The following GABRB1 variants were observed in gnomAD, a reference collection of about 807,000 sequenced individuals.
The protein encoded by GABRB1 is gamma-aminobutyric acid type A receptor subunit beta1, also known as gamma-aminobutyric acid receptor subunit beta-1.
GABRB1 carries 17 observed loss-of-function variants against 51.6 expected under a neutral mutation model. The observed-to-expected ratio is 0.33, with a 90% CI of 0.23 to 0.49. GABRB1 has a LOEUF of 0.49. Among genes scored for constraint, GABRB1 ranks in the 20% least tolerant of loss-of-function variants. The pLI, the probability that GABRB1 is intolerant of heterozygous loss-of-function variation, is 0.99. For synonymous variants in GABRB1, 247 were observed against 218.9 expected (o/e 1.13, Z -1.14); for missense variants, 410 against 600.6 (o/e 0.68, Z 3.32).
At chr4:47,048,621 T>A (rs1726205020) in intron 3 of GABRB1, among the ~76,000 whole-genome samples, 1 of 152,174 alleles carries the variant, frequency 6.6e-6, no homozygotes, top group South Asian at 2.1e-4. Flanking sequence ...ATGTAATGAA[T>A]GCATGCCATG....
intron 5 of GABRB1, among the ~76,000 whole-genome samples, chr4:47,397,186 A>C (rs1728204546): frequency 6.6e-6 from 1 of 152,188 alleles, no homozygotes; most frequent in African/African-American, 2.4e-5. Flanking sequence ...TATTTGTTAG[A>C]GTTAGAAAGG....
At chr4:47,255,909 G>C (rs769549008) in intron 4 of GABRB1, among the ~76,000 whole-genome samples, 1 of 152,218 alleles carries the variant, frequency 6.6e-6, no homozygotes, top group Admixed American at 6.5e-5. Flanking sequence ...ATAAGGAAAT[G>C]GCCAGAGATG....
chr4:47,188,292 T>C (rs1719272350), intron 4 of GABRB1, among the ~76,000 whole-genome samples: 1 of 152,048 alleles, frequency 6.6e-6, no homozygotes, highest in African/African-American at 2.4e-5. Context: ...TGTTTCAGAA[T>C]TAGTTCACAA....
intron 3 of GABRB1, among the ~76,000 whole-genome samples, chr4:47,124,576 C>T (rs1038851430): frequency 1.3e-5 from 2 of 152,118 alleles, no homozygotes; most frequent in African/African-American, 4.8e-5. Flanking sequence ...TTCAAGGATT[C>T]TCAGTGCACT....
At chr4:47,386,915 A>G (rs1727813154) in intron 5 of GABRB1, among the ~76,000 whole-genome samples, 1 of 152,230 alleles carries the variant, frequency 6.6e-6, no homozygotes. Context: ...CAAGAAAAAT[A>G]TGAGAAACAT....
intron 1 of GABRB1, among the ~76,000 whole-genome samples, chr4:47,018,959 C>T (rs1194507766): frequency 6.6e-6 from 1 of 152,128 alleles, no homozygotes; most frequent in African/African-American, 2.4e-5. Context: ...CTTATCTTTA[C>T]TGACAATTTG....
chr4:47,395,962 A>G (rs1184014386), intron 5 of GABRB1, among the ~76,000 whole-genome samples: 1 of 152,176 alleles, frequency 6.6e-6, no homozygotes, highest in Non-Finnish European at 1.5e-5. Context: ...TATATATAAG[A>G]AATTCCTTGT....
chr4:47,158,620 G>C (rs1272466860), intron 3 of GABRB1, among the ~76,000 whole-genome samples: 1 of 152,044 alleles, frequency 6.6e-6, no homozygotes, highest in Non-Finnish European at 1.5e-5. Flanking sequence ...TGACAATGCT[G>C]ACTGCCATAG....
chr4:47,300,674 T>A (rs965855208), intron 4 of GABRB1, among the ~76,000 whole-genome samples: 2 of 152,138 alleles, frequency 1.3e-5, no homozygotes, highest in Non-Finnish European at 2.9e-5. Context: ...TATATATTTA[T>A]GGGGTACATG....
upstream of GABRB1, among the ~76,000 whole-genome samples, chr4:47,026,823 A>C (rs1433902137): frequency 1.3e-5 from 2 of 152,076 alleles, no homozygotes; most frequent in African/African-American, 4.8e-5. Flanking sequence ...ATCTCAGTAG[A>C]GGTTAAAATA....
chr4:47,417,024 A>G (rs971281267), intron 8 of GABRB1, among the ~76,000 whole-genome samples: 4 of 152,250 alleles, frequency 2.6e-5, no homozygotes, highest in East Asian at 3.8e-4. Context: ...ACTAAAACAT[A>G]GAATGGGAGA....
chr4:47,117,006 C>T (rs552813842), intron 3 of GABRB1, among the ~76,000 whole-genome samples: 2 of 152,206 alleles, frequency 1.3e-5, no homozygotes, highest in African/African-American at 4.8e-5. Flanking sequence ...GGAAGTCCAC[C>T]CCCATGATCC....
intron 8 of GABRB1, among the ~76,000 whole-genome samples, chr4:47,422,073 T>C (rs573397812): frequency 6.6e-6 from 1 of 152,252 alleles, no homozygotes; most frequent in Admixed American, 6.5e-5. Context: ...AGAGACTGCA[T>C]CTGGCTCATT....
At chr4:47,276,831 G>A (rs1438187529) in intron 4 of GABRB1, among the ~76,000 whole-genome samples, 3 of 152,044 alleles carry the variant, frequency 2.0e-5, no homozygotes, top group African/African-American at 7.2e-5. Context: ...CTCGAAGCCA[G>A]TAGCGTACCA....
chr4:47,058,597 G>A (rs561426706), intron 3 of GABRB1, among the ~76,000 whole-genome samples: 25 of 152,114 alleles, frequency 1.6e-4, no homozygotes, highest in Non-Finnish European at 1.5e-4. Flanking sequence ...TGTTTAAACC[G>A]TGCCCCCTTG....
intron 4 of GABRB1, among the ~76,000 whole-genome samples, chr4:47,272,879 C>T (rs1346566180): frequency 6.6e-6 from 1 of 152,092 alleles, no homozygotes; most frequent in Non-Finnish European, 1.5e-5. Flanking sequence ...CTGAGTTTAA[C>T]TTTATGGGAC....
intron 1 of GABRB1, among the ~76,000 whole-genome samples, chr4:47,017,067 T>G (rs1274668498): frequency 6.6e-6 from 1 of 152,182 alleles, no homozygotes; most frequent in Non-Finnish European, 1.5e-5. Context: ...CTTCTTAGAT[T>G]GTAGGAAGTG....
At chr4:47,055,547 T>C (rs1726553278) in intron 3 of GABRB1, among the ~76,000 whole-genome samples, 1 of 152,186 alleles carries the variant, frequency 6.6e-6, no homozygotes, top group Admixed American at 6.5e-5. Flanking sequence ...GAATGACTTA[T>C]TTTCTGCTAG....
At chr4:47,238,557 A>G (rs1721408754) in intron 4 of GABRB1, among the ~76,000 whole-genome samples, 1 of 152,178 alleles carries the variant, frequency 6.6e-6, no homozygotes, top group Non-Finnish European at 1.5e-5. Context: ...AGTAATTGGC[A>G]TTCAAACATG....
Sources: gnomAD v4.1 joint callset for allele counts (sites outside exome capture counted in the v4.1 genomes callset) on GRCh38, gnomAD v4.1.1 for gene constraint, MANE v1.5 for transcripts, NCBI Gene and HGNC (gene_info 2026-07-23, HGNC 2026-07-21) for gene names.